Variants in UGT8 observed in about 807,000 individuals in gnomAD.
The protein encoded by UGT8 is UDP glycosyltransferase 8.
A neutral mutation model predicts 40.5 loss-of-function variants in UGT8; 12 were observed. That is an observed-to-expected ratio of 0.30 (90% confidence interval 0.19 to 0.48). The LOEUF (loss-of-function observed/expected upper bound fraction) is 0.48, where lower values mean the gene tolerates loss of function less well. Among genes scored for constraint, UGT8 ranks in the 20% least tolerant of loss-of-function variants. The pLI is 0.99. For synonymous variants in UGT8, 224 were observed against 240.4 expected (o/e 0.93, Z 0.63); for missense variants, 513 against 648.7 (o/e 0.79, Z 2.27).
Position 114,675,568 on chromosome 4 carries a change from G to A in UGT8, c.1263-357G>A, listed in dbSNP as rs185218391. On this transcript the variant is annotated intron_variant, in intron 5 of 5. Transcript: ENST00000310836. ...ATCCCAGCTAAAACGGTGAAACCCCGTCTCTACTAAAAATACAAAAAATTA... is the reference window on the plus strand; with the variant it reads ...ATCCCAGCTAAAACGGTGAAACCCCATCTCTACTAAAAATACAAAAAATTA... Among the ~76,000 whole-genome samples, 471 of 150,848 alleles carry A rather than the reference G, an allele frequency of 3.1e-3. 6 individuals are homozygous for A. The highest frequency in any genetic ancestry group is 0.011 in the African/African-American group (453 of 41,144).
rs1735650645 is a variant in UGT8 at position 114,676,417 on chromosome 4, A to G, written c.*129A>G. The G allele has an allele frequency of 3.9e-6, 3 of 771,138 alleles. No homozygotes were observed. Among genetic ancestry groups the G allele is most frequent in the Non-Finnish European group, 6.0e-6 (3 of 501,608 alleles). The allele number at this position is 771,138 out of a possible 1,614,324, so 47.8% of individuals were successfully genotyped here. A position where few individuals can be genotyped will look rare whatever the true frequency, so the allele number is the denominator to read the frequency against. ...TAACATGCCCTTATGAGATCTACTA[A>G]TGAAATTCTGTGGAATTAAGATGGC... On this transcript the variant is annotated 3_prime_UTR_variant, in exon 6 of 6. Coordinates refer to ENST00000310836, the MANE Select transcript of UGT8 (RefSeq NM_001128174.3).
chr4:114,600,844 GT>G (rs1324038740), intron 1 of UGT8, among the ~76,000 whole-genome samples: 2 of 152,102 alleles, frequency 1.3e-5, no homozygotes, highest in East Asian at 3.8e-4. Flanking sequence ...ATGTGTCTGT[GT>G]TCAGCAACTC....
At chr4:114,668,998 C>G (rs1388911206) in intron 5 of UGT8, among the ~76,000 whole-genome samples, 5 of 152,118 alleles carry the variant, frequency 3.3e-5, no homozygotes, top group Admixed American at 3.3e-4. Flanking sequence ...TTTAATTTAC[C>G]TTGCATTTCC....
intron 5 of UGT8, among the ~76,000 whole-genome samples, chr4:114,670,371 C>G (rs537662236): frequency 2.4e-5 from 3 of 125,150 alleles, no homozygotes; most frequent in East Asian, 4.9e-4. Flanking sequence ...GCGGAACTTA[C>G]AGTGAGCCGA....
At chr4:114,631,411 C>T (rs1435850086) in intron 2 of UGT8, among the ~76,000 whole-genome samples, 10 of 152,162 alleles carry the variant, frequency 6.6e-5, no homozygotes, top group Admixed American at 2.6e-4. Flanking sequence ...CGCTTGAACC[C>T]GTGAGGCAGA....
intron 5 of UGT8, among the ~76,000 whole-genome samples, chr4:114,675,008 G>A (rs1735534909): frequency 6.6e-6 from 1 of 152,056 alleles, no homozygotes; most frequent in African/African-American, 2.4e-5. Flanking sequence ...TCATTTAAGA[G>A]GGTGTTTTCT....
chr4:114,638,804 T>C (rs1733039103), intron 2 of UGT8, among the ~76,000 whole-genome samples: 2 of 152,246 alleles, frequency 1.3e-5, no homozygotes, highest in South Asian at 4.1e-4. Context: ...TTTGTAGGTC[T>C]GTTGTGGCCC....
chr4:114,673,552 T>C (rs1165503975), intron 5 of UGT8, among the ~76,000 whole-genome samples: 1 of 152,204 alleles, frequency 6.6e-6, no homozygotes, highest in Non-Finnish European at 1.5e-5. Context: ...CCATATGAGT[T>C]AATAATTTAT....
At chr4:114,665,518 A>G (rs1458275529) in intron 3 of UGT8, 162 bp from the exon 4 acceptor site, 3 of 956,480 alleles carry the variant, frequency 3.1e-6, no homozygotes, top group African/African-American at 1.8e-5. Flanking sequence ...TTAAAAAGAA[A>G]CTTAATCAAA....
chr4:114,607,378 C>A (rs570095209), intron 1 of UGT8, among the ~76,000 whole-genome samples: 1 of 152,246 alleles, frequency 6.6e-6, no homozygotes, highest in South Asian at 2.1e-4. Context: ...CAGTAATCTC[C>A]TCCTTTGCTC....
chr4:114,637,152 A>G (rs1376980470), intron 2 of UGT8, among the ~76,000 whole-genome samples: 2 of 152,168 alleles, frequency 1.3e-5, no homozygotes, highest in Non-Finnish European at 2.9e-5. Context: ...CCCTAATACC[A>G]GTTTTATGGT....
At chr4:114,666,687 C>G (rs1458800536) in intron 4 of UGT8, among the ~76,000 whole-genome samples, 1 of 152,208 alleles carries the variant, frequency 6.6e-6, no homozygotes, top group South Asian at 2.1e-4. Flanking sequence ...GTATGAACAT[C>G]TAAACTTTTA....
At chr4:114,656,153 T>C (rs1291841072) in intron 2 of UGT8, among the ~76,000 whole-genome samples, 1 of 152,186 alleles carries the variant, frequency 6.6e-6, no homozygotes, top group East Asian at 1.9e-4. Flanking sequence ...TTACAAGACT[T>C]CTTTGCTGTC....
chr4:114,648,490 C>T (rs1733715806), intron 2 of UGT8, among the ~76,000 whole-genome samples: 1 of 149,542 alleles, frequency 6.7e-6, no homozygotes, highest in African/African-American at 2.5e-5. Flanking sequence ...CATTATGGCA[C>T]AAAAATGAGA....
intron 2 of UGT8, among the ~76,000 whole-genome samples, chr4:114,650,435 A>G (rs1161679365): frequency 1.3e-5 from 2 of 152,196 alleles, no homozygotes; most frequent in Non-Finnish European, 2.9e-5. Flanking sequence ...TAGCATTCCA[A>G]TAATGGAACA....
At chr4:114,636,491 A>G (rs1194863521) in intron 2 of UGT8, among the ~76,000 whole-genome samples, 2 of 152,184 alleles carry the variant, frequency 1.3e-5, no homozygotes, top group East Asian at 1.9e-4. Context: ...ATCTTTACGC[A>G]TTAGTGTTTC....
intron 1 of UGT8, among the ~76,000 whole-genome samples, chr4:114,621,199 T>A (rs570431996): frequency 6.6e-6 from 1 of 152,322 alleles, no homozygotes; most frequent in East Asian, 1.9e-4. Context: ...AGGCATCCTC[T>A]GACTTGACAT....
At chr4:114,601,130 G>C (rs1156759937) in intron 1 of UGT8, among the ~76,000 whole-genome samples, 2 of 152,122 alleles carry the variant, frequency 1.3e-5, no homozygotes, top group Non-Finnish European at 2.9e-5. Context: ...GACTATGCTT[G>C]TTGTATTTAA....
At chr4:114,612,973 A>G (rs985594291) in intron 1 of UGT8, among the ~76,000 whole-genome samples, 2 of 152,184 alleles carry the variant, frequency 1.3e-5, no homozygotes, top group Non-Finnish European at 2.9e-5. Flanking sequence ...CAATCTCATT[A>G]AACCTATTCT....
Sources: gnomAD v4.1 joint callset for allele counts (sites outside exome capture counted in the v4.1 genomes callset) on GRCh38, gnomAD v4.1.1 for gene constraint, MANE v1.5 for transcripts, NCBI Gene and HGNC (gene_info 2026-07-23, HGNC 2026-07-21) for gene names.